TENM2: variants seen among roughly 807,000 people sequenced by gnomAD.
The protein encoded by TENM2 is teneurin transmembrane protein 2, also known as teneurin-2.
TENM2 carries 52 observed loss-of-function variants against 245.2 expected under a neutral mutation model. The ratio of observed to expected loss-of-function variants is 0.21; its 90% CI spans 0.17 to 0.27. TENM2 has a LOEUF of 0.27. Among genes scored for constraint, TENM2 ranks in the 10% least tolerant of loss-of-function variants. The probability of loss-of-function intolerance (pLI) is 1.00; values close to 1 mark genes in which losing one functional copy is unlikely to be tolerated. For synonymous variants in TENM2, 1,363 were observed against 1,438.9 expected (o/e 0.95, Z 1.19); for missense variants, 3,046 against 3,666.8 (o/e 0.83, Z 4.37).
chr5:167,801,730 A>G (rs1765791385), intron 2 of TENM2, among the ~76,000 whole-genome samples: 1 of 152,110 alleles, frequency 6.6e-6, no homozygotes, highest in Non-Finnish European at 1.5e-5. Context: ...GCAGGCTCAT[A>G]TTTGATTTGT....
chr5:167,857,164 A>G (rs1487187780), intron 2 of TENM2, among the ~76,000 whole-genome samples: 2 of 152,334 alleles, frequency 1.3e-5, no homozygotes, highest in South Asian at 2.1e-4. Context: ...CAAAGAAGCC[A>G]TGATACCAAG....
At chr5:167,822,364 C>T (rs566269168) in intron 2 of TENM2, among the ~76,000 whole-genome samples, 26 of 152,114 alleles carry the variant, frequency 1.7e-4, no homozygotes, top group Non-Finnish European at 3.4e-4. Context: ...GAAGAAAGTA[C>T]ATCTTAAGTG....
chr5:167,322,843 C>T (rs1032408504), intron 1 of TENM2, among the ~76,000 whole-genome samples: 1 of 152,206 alleles, frequency 6.6e-6, no homozygotes, highest in African/African-American at 2.4e-5. Flanking sequence ...ATAGGGAAAT[C>T]ATCTTAATAG....
In TENM2 at chr5:167,350,413, A is replaced by ATGTGTG. The variant is rs35747170; in HGVS notation, c.227-24757_227-24752dup. ...ATTATGAAAACCCATATACATATAT[A>ATGTGTG]TGTGTGTGTGTGTGTGTGTGTGTGT... On this transcript the variant is annotated intron_variant, in intron 1 of 28. Transcript: ENST00000518659. Among the ~76,000 whole-genome samples, 779 of 141,916 alleles carry ATGTGTG rather than the reference A, an allele frequency of 5.5e-3. 5 individuals carry two copies. Among genetic ancestry groups the ATGTGTG allele is most frequent in the African/African-American group, 0.017 (639 of 38,180 alleles). The allele number at this position is 141,916 out of a possible 152,430, so 93.1% of individuals were successfully genotyped here.
the TENM2 span, among the ~76,000 whole-genome samples, chr5:167,258,360 A>G: frequency 6.6e-6 from 1 of 152,002 alleles, no homozygotes; most frequent in South Asian, 2.1e-4. Flanking sequence ...CTATGTAACA[A>G]AATGTCCAGA....
intron 3 of TENM2, among the ~76,000 whole-genome samples, chr5:167,905,449 G>C (rs959821701): frequency 6.6e-6 from 1 of 152,178 alleles, no homozygotes; most frequent in Non-Finnish European, 1.5e-5. Flanking sequence ...ACAGTGGCAC[G>C]CTGTCAGTAG....
intron 2 of TENM2, among the ~76,000 whole-genome samples, chr5:167,620,587 A>G (rs1312267394): frequency 1.4e-5 from 2 of 143,064 alleles, no homozygotes; most frequent in Non-Finnish European, 3.0e-5. Context: ...ACTGAGCTCA[A>G]AATGTGCTAT....
At chr5:167,162,905 T>A in the TENM2 span, among the ~76,000 whole-genome samples, 1 of 152,186 alleles carries the variant, frequency 6.6e-6, no homozygotes, top group Non-Finnish European at 1.5e-5. Context: ...AGTGAAGCAT[T>A]TTCATCCAAT....
intron 7 of TENM2, among the ~76,000 whole-genome samples, chr5:168,081,108 G>T (rs1308531680): frequency 6.6e-6 from 1 of 152,106 alleles, no homozygotes. Flanking sequence ...TATGAATCTG[G>T]GTGCTCCTGT....
At chr5:167,643,909 AAGT>A (rs1779766610) in intron 2 of TENM2, among the ~76,000 whole-genome samples, 1 of 152,212 alleles carries the variant, frequency 6.6e-6, no homozygotes, top group African/African-American at 2.4e-5. Context: ...ATCTGAAAAT[AAGT>A]AGGAGCTTCA....
chr5:167,137,798 C>G, the TENM2 span, among the ~76,000 whole-genome samples: 1 of 152,098 alleles, frequency 6.6e-6, no homozygotes, highest in Non-Finnish European at 1.5e-5. Flanking sequence ...ATCATTTAGG[C>G]TATTAACAGA....
chr5:167,768,550 G>A (rs548719434), intron 2 of TENM2, among the ~76,000 whole-genome samples: 6 of 152,232 alleles, frequency 3.9e-5, no homozygotes, highest in Admixed American at 6.5e-5. Context: ...ATGTTTCCAC[G>A]ATTATCTCAA....
At chr5:167,656,060 C>A (rs57372018) in intron 2 of TENM2, among the ~76,000 whole-genome samples, 37,079 of 152,044 alleles carry the variant, frequency 0.24, 5,228 homozygotes, top group East Asian at 0.51. Context: ...AGACACAGAA[C>A]CAGTGGAAGC....
chr5:167,158,818 G>T, the TENM2 span, among the ~76,000 whole-genome samples: 1 of 149,912 alleles, frequency 6.7e-6, no homozygotes, highest in East Asian at 2.0e-4. Context: ...GATTTCTAGG[G>T]AGAATACAAA....
intron 2 of TENM2, among the ~76,000 whole-genome samples, chr5:167,588,692 C>G (rs1197261068): frequency 6.6e-6 from 1 of 152,074 alleles, no homozygotes; most frequent in Non-Finnish European, 1.5e-5. Context: ...AGCACATATA[C>G]AAAAGACCAT....
intron 1 of TENM2, among the ~76,000 whole-genome samples, chr5:167,295,468 T>C (rs1242787009): frequency 6.6e-6 from 1 of 152,182 alleles, no homozygotes; most frequent in Admixed American, 6.5e-5. Flanking sequence ...CAGGGATGCC[T>C]TTCTGACCAG....
intron 2 of TENM2, among the ~76,000 whole-genome samples, chr5:167,482,440 T>A (rs900529775): frequency 2.0e-5 from 3 of 152,182 alleles, no homozygotes; most frequent in Admixed American, 2.0e-4. Context: ...CCCTCCTTTT[T>A]AATAATATTA....
chr5:167,618,754 C>T (rs900066925), intron 2 of TENM2, among the ~76,000 whole-genome samples: 2 of 152,102 alleles, frequency 1.3e-5, no homozygotes, highest in African/African-American at 2.4e-5. Flanking sequence ...GTATTCTCAG[C>T]TAGAGGCTTT....
intron 7 of TENM2, among the ~76,000 whole-genome samples, chr5:168,082,248 C>T (rs1792069574): frequency 6.6e-6 from 1 of 152,178 alleles, no homozygotes; most frequent in Non-Finnish European, 1.5e-5. Flanking sequence ...GTGCATGCGT[C>T]ACGTAGTTCT....
Sources: allele counts gnomAD v4.1 joint callset (sites outside exome capture counted in the v4.1 genomes callset), GRCh38; gene constraint gnomAD v4.1.1; transcripts MANE v1.5; gene names NCBI Gene and HGNC (gene_info 2026-07-23, HGNC 2026-07-21).